Variants in DKK2 observed in about 807,000 individuals in gnomAD.
The protein encoded by DKK2 is dickkopf Wnt signaling pathway inhibitor 2.
DKK2 carries 11 observed loss-of-function variants against 28.1 expected under a neutral mutation model. The ratio of observed to expected loss-of-function variants is 0.39; its 90% confidence interval spans 0.25 to 0.65. The LOEUF is 0.65. DKK2 is among the 30% of genes least tolerant of loss of function. The probability of loss-of-function intolerance (pLI) is 0.47; values close to 1 mark genes in which losing one functional copy is unlikely to be tolerated. For synonymous variants in DKK2, 135 were observed against 126.5 expected, an observed-to-expected ratio of 1.07 and a Z score of -0.45; for missense variants, 326 against 335.5, an observed-to-expected ratio of 0.97 and a Z score of 0.22.
chr4:107,001,451 A>C (rs1438606111), intron 1 of DKK2, among the ~76,000 whole-genome samples: 1 of 152,238 alleles, frequency 6.6e-6, no homozygotes, highest in Non-Finnish European at 1.5e-5. Context: ...AATTTTCTAA[A>C]TAAGCAATTT....
At chr4:106,970,385 A>T (rs1217539445) in intron 1 of DKK2, among the ~76,000 whole-genome samples, 1 of 152,080 alleles carries the variant, frequency 6.6e-6, no homozygotes, top group African/African-American at 2.4e-5. Flanking sequence ...AGGTATGGTG[A>T]GATGAAATGT....
At chr4:106,952,676 A>G (rs411143) in intron 1 of DKK2, among the ~76,000 whole-genome samples, 44,579 of 152,022 alleles carry the variant, frequency 0.29, 6,795 homozygotes, top group African/African-American at 0.38. Context: ...TCAAAAATAA[A>G]AATAGCCTCC....
chr4:106,994,472 T>TCACACACACACATGTACACCA (rs1723244783), intron 1 of DKK2, among the ~76,000 whole-genome samples: 1 of 144,940 alleles, frequency 6.9e-6, no homozygotes, highest in African/African-American at 2.6e-5. Context: ...TTTCTCTCTC[T>TCACACACACACATGTACACCA]CACACACACA....
intron 1 of DKK2, among the ~76,000 whole-genome samples, chr4:106,945,726 T>C (rs1319046640): frequency 1.3e-5 from 2 of 152,108 alleles, no homozygotes; most frequent in African/African-American, 4.8e-5. Context: ...CTCAACCATA[T>C]CCAATCAAAG....
intron 1 of DKK2, among the ~76,000 whole-genome samples, chr4:106,965,497 T>C (rs1257088412): frequency 1.3e-5 from 2 of 152,162 alleles, no homozygotes; most frequent in Non-Finnish European, 2.9e-5. Flanking sequence ...CCTTGTTTTT[T>C]ATATTTATAT....
At chr4:106,975,015 A>T (rs1336086787) in intron 1 of DKK2, among the ~76,000 whole-genome samples, 1 of 152,016 alleles carries the variant, frequency 6.6e-6, no homozygotes, top group Non-Finnish European at 1.5e-5. Context: ...TGTTTTTGTC[A>T]TTGGTTCTGT....
chr4:107,032,826 A>G (rs775086748), intron 1 of DKK2, among the ~76,000 whole-genome samples: 32 of 152,178 alleles, frequency 2.1e-4, no homozygotes, highest in Admixed American at 2.0e-4. Flanking sequence ...CATATTTACT[A>G]TTGTGATGCA....
rs569407954 is a variant in DKK2, at chr4:107,009,813, G to A, written c.222+25557C>T. On this transcript the variant is annotated intron_variant, in intron 1 of 3. Coordinates refer to ENST00000285311, the MANE Select transcript of DKK2 (RefSeq NM_014421.3). ...AAAGTGGAATCAGGCATTTTATTAC[G>A]CAAAAAGCAATTTTAGGCTCTTTGG... 2.6e-4 allele frequency among the ~76,000 whole-genome samples: 39 copies of A among 151,790 alleles called. 1 individual carries two copies. The South Asian group carries it at 7.2e-3, about 28-fold the overall frequency.
At chr4:106,997,915 A>C (rs1363653171) in intron 1 of DKK2, among the ~76,000 whole-genome samples, 1 of 152,316 alleles carries the variant, frequency 6.6e-6, no homozygotes. Context: ...ATTCCATTAG[A>C]GTGTAGTGTT....
chr4:106,945,938 G>A (rs1157238563), intron 1 of DKK2, among the ~76,000 whole-genome samples: 1 of 152,088 alleles, frequency 6.6e-6, no homozygotes, highest in Non-Finnish European at 1.5e-5. Context: ...TATCTCACCA[G>A]CCAAAAGTCT....
chr4:107,033,989 T>TA (rs949059748), intron 1 of DKK2, among the ~76,000 whole-genome samples: 2 of 151,930 alleles, frequency 1.3e-5, no homozygotes, highest in East Asian at 3.9e-4. Flanking sequence ...CCTGAGACCT[T>TA]AAAAAAAATC....
At chr4:107,020,651 C>T (rs967062906) in intron 1 of DKK2, among the ~76,000 whole-genome samples, 9 of 151,996 alleles carry the variant, frequency 5.9e-5, no homozygotes, top group South Asian at 4.2e-4. Flanking sequence ...TTATTAAATA[C>T]GTTGTAGAAT....
At chr4:106,964,973 A>G (rs189779701) in intron 1 of DKK2, among the ~76,000 whole-genome samples, 154 of 145,388 alleles carry the variant, frequency 1.1e-3, no homozygotes, top group Non-Finnish European at 1.9e-3. Flanking sequence ...AGATAGATAG[A>G]TAGATAGATA....
chr4:106,979,604 T>C (rs1320990997), intron 1 of DKK2, among the ~76,000 whole-genome samples: 3 of 152,194 alleles, frequency 2.0e-5, no homozygotes, highest in Admixed American at 1.3e-4. Context: ...GGCTACTCCA[T>C]GGTAAATTAC....
chr4:106,972,576 A>C (rs75132178), intron 1 of DKK2, among the ~76,000 whole-genome samples: 98 of 152,208 alleles, frequency 6.4e-4, no homozygotes, highest in African/African-American at 2.0e-3. Context: ...TGATTATGAC[A>C]ACAATCTGCA....
At chr4:106,967,289 C>T (rs186880493) in intron 1 of DKK2, among the ~76,000 whole-genome samples, 8 of 152,210 alleles carry the variant, frequency 5.3e-5, no homozygotes, top group Non-Finnish European at 1.0e-4. Context: ...AAATGTGACA[C>T]ACTGCATAGT....
intron 1 of DKK2, among the ~76,000 whole-genome samples, chr4:106,964,674 G>A (rs1319446056): frequency 1.3e-5 from 2 of 151,976 alleles, no homozygotes; most frequent in African/African-American, 4.8e-5. Context: ...TTTAGATGTG[G>A]TTAACATCTA....
chr4:106,940,853 G>A lies in DKK2; in HGVS notation c.223-14904C>T, dbSNP rs145557812. Among the ~76,000 whole-genome samples, 1,468 of 152,100 alleles carry A rather than the reference G, an allele frequency of 9.7e-3. 10 individuals are homozygous for A. Among genetic ancestry groups the A allele is most frequent in the African/African-American group, 0.018 (748 of 41,494 alleles). ...AAATCATCATTGTCAGTAAACTATCGCAAGAACAAAAACCAAACACCGCAT... is the reference window on the plus strand; with the variant it reads ...AAATCATCATTGTCAGTAAACTATCACAAGAACAAAAACCAAACACCGCAT... On this transcript the variant is annotated intron_variant, in intron 1 of 3. Transcript: ENST00000285311.
intron 1 of DKK2, among the ~76,000 whole-genome samples, chr4:107,034,285 G>A (rs1392286072): frequency 6.6e-6 from 1 of 151,998 alleles, no homozygotes; most frequent in Non-Finnish European, 1.5e-5. Flanking sequence ...TCGGATCTCT[G>A]GGGCGTGGGC....
Sources: allele counts gnomAD v4.1 joint callset (sites outside exome capture counted in the v4.1 genomes callset), GRCh38; gene constraint gnomAD v4.1.1; transcripts MANE v1.5; gene names NCBI Gene and HGNC (gene_info 2026-07-23, HGNC 2026-07-21).